The following GDA variants were observed in gnomAD, a reference collection of about 807,000 sequenced individuals.
GDA encodes cytoplasmic PSD-95 interactor.
Under a neutral mutation model 59.6 loss-of-function variants are expected in GDA, and 18 were observed. The observed-to-expected ratio is 0.30, with a 90% CI of 0.21 to 0.45. GDA has a LOEUF of 0.45. GDA is among the 20% of genes least tolerant of loss of function. The probability of loss-of-function intolerance (pLI) is 1.00; values close to 1 mark genes in which losing one functional copy is unlikely to be tolerated. For synonymous variants in GDA, 201 were observed against 201.1 expected, an observed-to-expected ratio of 1.00 and a Z score of 0.00; for missense variants, 427 against 552.3, an observed-to-expected ratio of 0.77 and a Z score of 2.27.
At chr9:72,192,423 G>T (rs1272094707) in intron 1 of GDA, among the ~76,000 whole-genome samples, 1 of 149,782 alleles carries the variant, frequency 6.7e-6, no homozygotes, top group Admixed American at 6.6e-5. Flanking sequence ...GTAGAGACGG[G>T]TTTTCACCAA....
intron 1 of GDA, among the ~76,000 whole-genome samples, chr9:72,136,126 G>A (rs959063712): frequency 5.3e-5 from 8 of 152,030 alleles, no homozygotes; most frequent in Non-Finnish European, 1.2e-4. Context: ...TAAAAGGCCA[G>A]CAACTCTTAC....
intron 1 of GDA, among the ~76,000 whole-genome samples, chr9:72,129,568 G>A (rs1390451423): frequency 6.6e-6 from 1 of 152,188 alleles, no homozygotes; most frequent in Non-Finnish European, 1.5e-5. Flanking sequence ...AGGGTTCATA[G>A]TATCTATTGC....
chr9:72,245,259 T>C lies in GDA; in HGVS notation c.1247T>C (p.Phe416Ser). ...CCCATTGACCTGTTTTATGGGGACT[T>C]TTTTGGTGATATTTCTGAGGTAAGT... is the stretch of plus-strand genomic sequence containing the variant. ...DSPIDLFYGDFFGDISEAVIQ... is the reference protein window; with the variant it reads ...DSPIDLFYGDSFGDISEAVIQ... Residue 416 changes from phenylalanine (F) to serine (S), a missense_variant, in exon 12 of 14, where the codon TTT becomes TCT. Physicochemically the swap from Phe to Ser is radical, Grantham distance 155. Coordinates refer to ENST00000358399, the MANE Select transcript of GDA (RefSeq NM_004293.5). 1.2e-6 allele frequency: 2 copies of C among 1,611,410 alleles called. No homozygotes were observed. Among genetic ancestry groups the C allele is most frequent in the Non-Finnish European group, 1.7e-6 (2 of 1,177,614 alleles).
rs1840711500 is a variant in GDA, at chr9:72,251,775, T to C, written c.*3433T>C. ...ATCCTAACATTGGTCTCCGTGCATG[T>C]GTTCACACCTGGTCTCACTGCCTTT... is the stretch of plus-strand genomic sequence containing the variant. On this transcript the variant is annotated 3_prime_UTR_variant, in exon 14 of 14. Coordinates refer to ENST00000358399, the MANE Select transcript of GDA (RefSeq NM_004293.5). 1 of 152,130 alleles carries C rather than the reference T, an allele frequency of 6.6e-6. No homozygotes were observed. The highest frequency in any genetic ancestry group is 1.5e-5 in the Non-Finnish European group (1 of 68,022). The allele number at this position is 152,130 out of a possible 1,614,324, so 9.4% of individuals were successfully genotyped here. A position where few individuals can be genotyped will look rare whatever the true frequency, so the allele number is the denominator to read the frequency against.
rs1247969006 is a variant in GDA, at chr9:72,252,092, T to C, written c.*3750T>C. ...TTGTTGTTAAACTCCTGATCGCTAC[T>C]CTTAAGAATATACATGTATGTATTC... On this transcript the variant is annotated 3_prime_UTR_variant, in exon 14 of 14. Transcript: ENST00000358399. 6.6e-6 allele frequency: 1 copy of C among 152,634 alleles called. No individual in the cohort carries two copies. Among genetic ancestry groups the C allele is most frequent in the African/African-American group, 2.4e-5 (1 of 41,460 alleles). 9.5% of individuals were successfully genotyped at this position (152,634 alleles called of 1,614,324 possible). A position where few individuals can be genotyped will look rare whatever the true frequency, so the allele number is the denominator to read the frequency against.
At chr9:72,255,709 G>A (rs1288549605), downstream of GDA, among the ~76,000 whole-genome samples, 1 of 152,186 alleles carries the variant, frequency 6.6e-6, no homozygotes, top group Non-Finnish European at 1.5e-5. Context: ...TAATGCAATG[G>A]CATGCTATCC....
chr9:72,180,639 A>C (rs1003750090), intron 1 of GDA, among the ~76,000 whole-genome samples: 1 of 152,192 alleles, frequency 6.6e-6, no homozygotes, highest in African/African-American at 2.4e-5. Context: ...TCAGGATTCA[A>C]ATGTGTCATT....
chr9:72,192,907 A>G (rs138448678), intron 1 of GDA, among the ~76,000 whole-genome samples: 1 of 151,420 alleles, frequency 6.6e-6, no homozygotes, highest in Non-Finnish European at 1.5e-5. Context: ...ACAACAACAA[A>G]CAACAGTCTG....
At position 72,248,478 on chromosome 9, in the gene GDA, A is replaced by G. The variant is rs1840380170; in HGVS notation, c.*136A>G. On this transcript the variant is annotated 3_prime_UTR_variant, in exon 14 of 14. Coordinates refer to ENST00000358399, the MANE Select transcript of GDA (RefSeq NM_004293.5). ...ATCCCTTTCTGTGTCTAGTTACAGT[A>G]TTCACTTGACAAATAGTTCGAAGGA... 1.4e-6 allele frequency: 2 copies of G among 1,470,248 alleles called. No homozygotes were observed. Among genetic ancestry groups the G allele is most frequent in the African/African-American group, 2.8e-5 (2 of 70,468 alleles). 91.1% of individuals were successfully genotyped at this position (1,470,248 alleles called of 1,614,324 possible).
Position 72,250,117 on chromosome 9 carries a change from C to T in GDA, c.*1775C>T, listed in dbSNP as rs967224338. 1.0e-6 allele frequency: 1 copy of T among 984,982 alleles called. No homozygotes were observed. The highest frequency in any genetic ancestry group is 1.2e-6 in the Non-Finnish European group (1 of 829,676). The allele number at this position is 984,982 out of a possible 1,614,324, so 61.0% of individuals were successfully genotyped here. The stretch of plus-strand genomic sequence containing the variant: ...ACGTCAAAGATGCCTTGCCAAATTT[C>T]TCCCCATTTCTCTACGGGGCTAGCA... On this transcript the variant is annotated 3_prime_UTR_variant, in exon 14 of 14. Transcript: ENST00000358399.
intron 2 of GDA, among the ~76,000 whole-genome samples, chr9:72,200,000 T>C (rs1427702716): frequency 1.4e-5 from 2 of 146,468 alleles, no homozygotes; most frequent in Non-Finnish European, 3.0e-5. Context: ...CTTTCTTTTT[T>C]TTTTTTTTTT....
At position 72,250,463 on chromosome 9, in the gene GDA, A is replaced by G; in HGVS notation, c.*2121A>G. 2 of 1,303,586 alleles carry G rather than the reference A, an allele frequency of 1.5e-6. No individual in the cohort carries two copies. Among genetic ancestry groups the G allele is most frequent in the Non-Finnish European group, 2.0e-6 (2 of 1,021,236 alleles). 80.8% of individuals were successfully genotyped at this position (1,303,586 alleles called of 1,614,324 possible). ...GCTCTGATAGTGTGTTAAGACCTGA[A>G]TATCTTTCCTAGTAAAAATAGGATG... is the stretch of plus-strand genomic sequence containing the variant. On this transcript the variant is annotated 3_prime_UTR_variant, in exon 14 of 14. Coordinates refer to ENST00000358399, the MANE Select transcript of GDA (RefSeq NM_004293.5).
chr9:72,125,720 GT>G (rs1209726703), intron 1 of GDA, among the ~76,000 whole-genome samples: 1 of 152,200 alleles, frequency 6.6e-6, no homozygotes, highest in African/African-American at 2.4e-5. Context: ...GGGCACTTTG[GT>G]TTCTCTAGCT....
At chr9:72,137,423 A>G (rs1284271362) in intron 1 of GDA, among the ~76,000 whole-genome samples, 2 of 151,276 alleles carry the variant, frequency 1.3e-5, no homozygotes, top group Non-Finnish European at 2.9e-5. Flanking sequence ...ATTTTTTTGT[A>G]TTTTTAGTAG....
At chr9:72,131,850 A>T (rs1826038061) in intron 1 of GDA, among the ~76,000 whole-genome samples, 1 of 152,212 alleles carries the variant, frequency 6.6e-6, no homozygotes, top group Admixed American at 6.5e-5. Context: ...GTCTGTTTTC[A>T]TGCTGCTGAT....
At position 72,248,489 on chromosome 9, in the gene GDA, A is replaced by G; in HGVS notation, c.*147A>G. 7.6e-6 allele frequency: 11 copies of G among 1,446,830 alleles called. No individual in the cohort carries two copies. Among genetic ancestry groups the G allele is most frequent in the Non-Finnish European group, 9.1e-6 (10 of 1,098,350 alleles). The allele number at this position is 1,446,830 out of a possible 1,614,324, so 89.6% of individuals were successfully genotyped here. On this transcript the variant is annotated 3_prime_UTR_variant, in exon 14 of 14. Transcript: ENST00000358399. ...TGTCTAGTTACAGTATTCACTTGAC[A>G]AATAGTTCGAAGGAAGTTGCACTAA... is the stretch of plus-strand genomic sequence containing the variant.
chr9:72,219,837 G>C (rs35560375), intron 6 of GDA, among the ~76,000 whole-genome samples: 25,024 of 152,082 alleles, frequency 0.16, 2,287 homozygotes, highest in Middle Eastern at 0.29. Context: ...CTGTACACTA[G>C]ATCCTCAGAA....
chr9:72,201,892 A>T (rs1834047818), intron 2 of GDA, among the ~76,000 whole-genome samples: 1 of 152,202 alleles, frequency 6.6e-6, no homozygotes, highest in Admixed American at 6.5e-5. Flanking sequence ...ATTAGTGATC[A>T]CAAGCATCCT....
At position 72,250,548 on chromosome 9, in the gene GDA, T is replaced by A. The variant is rs1453934988; in HGVS notation, c.*2206T>A. On this transcript the variant is annotated 3_prime_UTR_variant, in exon 14 of 14. Coordinates refer to ENST00000358399, the MANE Select transcript of GDA (RefSeq NM_004293.5). ...CATCACTTATAACTTATGTGTTTTA[T>A]TTCTCCAAGTGCGGTGTTCCTGAAT... 2.1e-6 allele frequency: 3 copies of A among 1,438,178 alleles called. No homozygotes were observed. Among genetic ancestry groups the A allele is most frequent in the Non-Finnish European group, 2.7e-6 (3 of 1,101,480 alleles). 89.1% of individuals were successfully genotyped at this position (1,438,178 alleles called of 1,614,324 possible).
Sources: gnomAD v4.1 joint callset for allele counts (sites outside exome capture counted in the v4.1 genomes callset) on GRCh38, gnomAD v4.1.1 for gene constraint, MANE v1.5 for transcripts, NCBI Gene and HGNC (gene_info 2026-07-23, HGNC 2026-07-21) for gene names.